TNRC18: variants seen among roughly 807,000 people sequenced by gnomAD.
TNRC18 encodes the protein trinucleotide repeat-containing gene 18 protein.
Under a neutral mutation model 226.7 loss-of-function variants are expected in TNRC18, and 69 were observed. The ratio of observed to expected loss-of-function variants is 0.30; its 90% CI spans 0.25 to 0.37. TNRC18 has a LOEUF of 0.37. TNRC18 is among the 10% of genes least tolerant of loss of function. TNRC18 has a pLI of 1.00. For synonymous variants in TNRC18, 2,449 were observed against 1,927.6 expected (o/e 1.27, Z -7.09); for missense variants, 4,754 against 4,256.6 (o/e 1.12, Z -3.25).
Position 5,324,458 on chromosome 7 carries a change from G to C in TNRC18, c.6301-103C>G. ...CCTGGAGCCACAGTCAGGCCGCAGG[G>C]GGAATCTGTCATGTGCATGGCAGGG... is the stretch of plus-strand genomic sequence containing the variant. On this transcript the variant is annotated intron_variant, in intron 20 of 29. Coordinates refer to ENST00000430969, the MANE Select transcript of TNRC18 (RefSeq NM_001080495.3). The surrounding 1 kb of genome is among the most constrained non-coding windows in gnomAD (Gnocchi z 4.8). The C allele has an allele frequency of 6.8e-7, 1 of 1,475,218 alleles. No individual in the cohort carries two copies. The highest frequency in any genetic ancestry group is 9.2e-7 in the Non-Finnish European group (1 of 1,087,016). 91.4% of individuals were successfully genotyped at this position (1,475,218 alleles called of 1,614,324 possible). A position where few individuals can be genotyped will look rare whatever the true frequency, so the allele number is the denominator to read the frequency against.
chr7:5,373,352 A>AGTTCTGT (rs1562569343), intron 10 of TNRC18, among the ~76,000 whole-genome samples: 1 of 152,154 alleles, frequency 6.6e-6, no homozygotes, highest in African/African-American at 2.4e-5. Flanking sequence ...ATAGCAACCC[A>AGTTCTGT]GTTCTGTCCC....
rs1779986821 is a variant in TNRC18, at chr7:5,388,422, G to C, written c.1402C>G (p.Pro468Ala). The change falls in exon 5 of 30, where the codon CCC (proline) becomes GCC (alanine). Residue 468 changes from proline to alanine, a missense_variant. Coordinates refer to ENST00000430969, the MANE Select transcript of TNRC18 (RefSeq NM_001080495.3). ...AYVPAKELLK[P>A]EADPRPCERA... Reference sequence around the variant, plus strand: ...TCGCAGGGCCTCGGGTCCGCCTCGGGCTTGAGCAGCTCCTTGGCAGGCACG... The same window carrying C: ...TCGCAGGGCCTCGGGTCCGCCTCGGCCTTGAGCAGCTCCTTGGCAGGCACG... 7 of 1,481,294 alleles carry C rather than the reference G, an allele frequency of 4.7e-6. No individual in the cohort carries two copies. The highest frequency in any genetic ancestry group is 6.2e-6 in the Non-Finnish European group (7 of 1,126,952). The allele number at this position is 1,481,294 out of a possible 1,614,324, so 91.8% of individuals were successfully genotyped here.
intron 3 of TNRC18, among the ~76,000 whole-genome samples, chr7:5,392,248 G>A (rs1367645297): frequency 6.6e-6 from 1 of 152,098 alleles, no homozygotes; most frequent in East Asian, 1.9e-4. Context: ...TGGATCACGA[G>A]GTCAGGAGTT....
Position 5,391,965 on chromosome 7 carries a change from A to G in TNRC18, c.344-1337T>C, listed in dbSNP as rs534638979. On this transcript the variant is annotated intron_variant, in intron 3 of 29. Transcript: ENST00000430969. ...ATTCTCTGCCTAAGCCCAGAGTCCTATGGGATCCCAGGCCAATTAGAGATC... is the reference window on the plus strand; with the variant it reads ...ATTCTCTGCCTAAGCCCAGAGTCCTGTGGGATCCCAGGCCAATTAGAGATC... 4.6e-5 allele frequency among the ~76,000 whole-genome samples: 7 copies of G among 151,308 alleles called. No individual in the cohort carries two copies. In the East Asian group the frequency reaches 5.9e-4, roughly 13 times the overall value.
At chr7:5,375,307 T>C (rs1299910783) in intron 9 of TNRC18, among the ~76,000 whole-genome samples, 2 of 150,184 alleles carry the variant, frequency 1.3e-5, no homozygotes, top group South Asian at 4.2e-4. Flanking sequence ...AGACTCCACC[T>C]CAAAAAAACA....
At chr7:5,327,997 G>A (rs748193356) in intron 19 of TNRC18, among the ~76,000 whole-genome samples, 25 of 152,076 alleles carry the variant, frequency 1.6e-4, no homozygotes, top group Non-Finnish European at 2.1e-4. Context: ...CAAGGCAGGC[G>A]GATCACTTGA....
At chr7:5,339,215 GTTTC>G (rs1342013239) in intron 18 of TNRC18, among the ~76,000 whole-genome samples, 1 of 140,624 alleles carries the variant, frequency 7.1e-6, no homozygotes, top group African/African-American at 2.5e-5. Context: ...TGTTTTTTTT[GTTTC>G]TTTTTTTTTC....
intron 2 of TNRC18, chr7:5,407,297 G>A (rs1345303798): frequency 1.3e-5 from 2 of 152,346 alleles, no homozygotes; most frequent in East Asian, 3.9e-4. Context: ...CCAGGACCAA[G>A]ACTGCAGTAG....
chr7:5,418,913 C>G (rs1440016999), intron 2 of TNRC18, among the ~76,000 whole-genome samples: 1 of 152,192 alleles, frequency 6.6e-6, no homozygotes, highest in Admixed American at 6.5e-5. Flanking sequence ...CCGAGGTCTC[C>G]TTGCGGCTAC....
chr7:5,310,915 CAT>C (rs1491459478), intron 27 of TNRC18, among the ~76,000 whole-genome samples: 3 of 151,632 alleles, frequency 2.0e-5, no homozygotes, highest in Non-Finnish European at 2.9e-5. Context: ...TGCACGTGTT[CAT>C]GTGTGTGCAC....
At chr7:5,322,499 C>T (rs913641161) in intron 21 of TNRC18, among the ~76,000 whole-genome samples, 4 of 152,272 alleles carry the variant, frequency 2.6e-5, no homozygotes, top group Admixed American at 6.5e-5. Context: ...CACTATGTTG[C>T]CCAACTGATC....
In TNRC18 at chr7:5,313,536, C is replaced by T. The variant is rs777475021; in HGVS notation, c.7355G>A (p.Arg2452Gln). 5.0e-6 allele frequency: 8 copies of T among 1,611,534 alleles called. No individual in the cohort carries two copies. The highest frequency in any genetic ancestry group is 6.8e-6 in the Non-Finnish European group (8 of 1,179,006). ...CAGCTCGGCCTCCTCCCCCGGCCTCCGAGGGCCCTTGGCACCCGACTCCTC... is the reference window on the plus strand; with the variant it reads ...CAGCTCGGCCTCCTCCCCCGGCCTCTGAGGGCCCTTGGCACCCGACTCCTC... ...AAEESGAKGPRRPGEEAELLV... is the reference protein window; with the variant it reads ...AAEESGAKGPQRPGEEAELLV... Residue 2452 changes from arginine to glutamine, a missense_variant, in exon 27 of 30, where the codon CGG (arginine) becomes CAG (glutamine). Coordinates refer to ENST00000430969, the MANE Select transcript of TNRC18 (RefSeq NM_001080495.3).
In TNRC18 at chr7:5,315,032, C is replaced by T. The variant is rs10250456; in HGVS notation, c.6979G>A (p.Ala2327Thr). Reference sequence around the variant, plus strand: ...TTCCGCCCACGCCCACGGGCCTTGGCTCCTGGCTCCTCCGACCCAGCCGTG... The same window carrying T: ...TTCCGCCCACGCCCACGGGCCTTGGTTCCTGGCTCCTCCGACCCAGCCGTG... ...GGTAGSEEPGAKARGRGRKPS... is the reference protein window; with the variant it reads ...GGTAGSEEPGTKARGRGRKPS... The change falls in exon 26 of 30, where the codon GCC (alanine) becomes ACC (threonine). Residue 2327 changes from alanine (A) to threonine (T), a missense_variant. Ala to Thr is a moderately conservative substitution (Grantham distance 58). Transcript: ENST00000430969. The T allele has an allele frequency of 1.1e-5, 17 of 1,608,614 alleles. No individual in the cohort carries two copies. The highest frequency in any genetic ancestry group is 1.4e-5 in the Non-Finnish European group (17 of 1,178,132).
chr7:5,311,118 A>C (rs1787152677), intron 27 of TNRC18, among the ~76,000 whole-genome samples: 1 of 152,260 alleles, frequency 6.6e-6, no homozygotes, highest in Non-Finnish European at 1.5e-5. Flanking sequence ...CTGCATTCAC[A>C]TGTACATCTG....
Position 5,389,002 on chromosome 7 carries a change from C to T in TNRC18, c.822G>A (p.Ala274=), listed in dbSNP as rs1309938552. ...PFLAESKTKN[A]ALQPSVLTMC... The stretch of plus-strand genomic sequence containing the variant: ...TGGTCAGTACCGACGGCTGCAGCGC[C>T]GCATTCTTGGTCTTGGACTCAGCCA... The change falls in exon 5 of 30, where the codon GCG becomes GCA. Residue 274 remains alanine (A), a synonymous_variant. Transcript: ENST00000430969. 9 of 1,358,772 alleles carry T rather than the reference C, an allele frequency of 6.6e-6. No individual in the cohort carries two copies. Among genetic ancestry groups the T allele is most frequent in the Non-Finnish European group, 8.6e-6 (9 of 1,047,836 alleles). 84.2% of individuals were successfully genotyped at this position (1,358,772 alleles called of 1,614,324 possible).
intron 21 of TNRC18, among the ~76,000 whole-genome samples, chr7:5,322,429 G>C (rs886969076): frequency 1.1e-4 from 16 of 152,238 alleles, no homozygotes; most frequent in South Asian, 6.2e-4. Flanking sequence ...CTCCTGAGTA[G>C]CTGGGACTAT....
Position 5,377,310 on chromosome 7 carries a change from G to GCACCCCCCCCCCCCCCCCCCCCCCCCA in TNRC18, c.2461+60_2461+61insTGGGGGGGGGGGGGGGGGGGGGGGGTG. The GCACCCCCCCCCCCCCCCCCCCCCCCCA allele has an allele frequency of 7.1e-7, 1 of 1,401,648 alleles. No individual in the cohort carries two copies. Among genetic ancestry groups the GCACCCCCCCCCCCCCCCCCCCCCCCCA allele is most frequent in the Non-Finnish European group, 9.6e-7 (1 of 1,046,932 alleles). 86.8% of individuals were successfully genotyped at this position (1,401,648 alleles called of 1,614,324 possible). A position where few individuals can be genotyped will look rare whatever the true frequency, so the allele number is the denominator to read the frequency against. On this transcript the variant is annotated intron_variant, in intron 7 of 29. Coordinates refer to ENST00000430969, the MANE Select transcript of TNRC18 (RefSeq NM_001080495.3). This position sits in a 1 kb window ranked among gnomAD's most constrained non-coding sequence, Gnocchi z 5.8. The stretch of plus-strand genomic sequence containing the variant: ...GGAGCCAGCCCTGAGCTCTTGTCCT[G>GCACCCCCCCCCCCCCCCCCCCCCCCCA]CACCCGCCCCCTCCCACCCCTCCCT...
In TNRC18 at chr7:5,307,749, G is replaced by A. The variant is rs1369551386; in HGVS notation, c.*357C>T. On this transcript the variant is annotated 3_prime_UTR_variant, in exon 30 of 30. Coordinates refer to ENST00000430969, the MANE Select transcript of TNRC18 (RefSeq NM_001080495.3). ...TCCCCACCGAATCCCCAGTCTGCAT[G>A]GACCTGGGGGCACCCGGGCCCCCAC... 1 of 366,720 alleles carries A rather than the reference G, an allele frequency of 2.7e-6. No individual in the cohort carries two copies. Among genetic ancestry groups the A allele is most frequent in the African/African-American group, 2.1e-5 (1 of 47,476 alleles). 22.7% of individuals were successfully genotyped at this position (366,720 alleles called of 1,614,324 possible). A position where few individuals can be genotyped will look rare whatever the true frequency, so the allele number is the denominator to read the frequency against.
intron 14 of TNRC18, among the ~76,000 whole-genome samples, chr7:5,360,956 C>T (rs1792973513): frequency 6.6e-6 from 1 of 152,176 alleles, no homozygotes; most frequent in African/African-American, 2.4e-5. Flanking sequence ...CCCCAGGCTC[C>T]CAACACTCCA....
Sources: gnomAD v4.1 joint callset for allele counts (sites outside exome capture counted in the v4.1 genomes callset) on GRCh38, gnomAD v4.1.1 for gene constraint, Gnocchi (gnomAD v3.1) non-coding constraint, MANE v1.5 for transcripts, NCBI Gene and HGNC (gene_info 2026-07-23, HGNC 2026-07-21) for gene names.